AHI1: variants seen among roughly 807,000 people sequenced by gnomAD.
AHI1 encodes the protein jouberin.
A neutral mutation model predicts 149.3 loss-of-function variants in AHI1; 123 were observed. That is an observed-to-expected ratio of 0.82 (90% CI 0.71 to 0.96). AHI1 has a LOEUF of 0.96. AHI1 is among the 40% of genes least tolerant of loss of function. The pLI is 0.00. For synonymous variants in AHI1, 475 were observed against 459.8 expected, an observed-to-expected ratio of 1.03 and a Z score of -0.42; for missense variants, 1,439 against 1,422.7, an observed-to-expected ratio of 1.01 and a Z score of -0.18.
At chr6:135,350,588 T>C (rs573810999) in intron 24 of AHI1, among the ~76,000 whole-genome samples, 1 of 152,034 alleles carries the variant, frequency 6.6e-6, no homozygotes, top group East Asian at 1.9e-4. Context: ...AAATAAAAAA[T>C]TCCAAATTGG....
chr6:135,357,010 C>T (rs959819005), intron 24 of AHI1, among the ~76,000 whole-genome samples: 1 of 152,200 alleles, frequency 6.6e-6, no homozygotes, highest in African/African-American at 2.4e-5. Flanking sequence ...GCAATCTCGG[C>T]TCACAGCAAC....
chr6:135,302,623 G>A lies in AHI1; in HGVS notation c.3427-2065C>T, dbSNP rs538296904. 3.2e-5 allele frequency: 37 copies of A among 1,143,322 alleles called. No homozygotes were observed. The South Asian group carries it at 4.3e-4, about 13-fold the overall frequency. 70.8% of individuals were successfully genotyped at this position (1,143,322 alleles called of 1,614,324 possible). On this transcript the variant is annotated intron_variant, in intron 26 of 28. Coordinates refer to ENST00000265602, the MANE Select transcript of AHI1 (RefSeq NM_001134831.2). Reference sequence around the variant, plus strand: ...AATTATATGAATCCTAAGTTAGAAGGGGGTCCACATTACAAAGTTTACCAC... The same window carrying A: ...AATTATATGAATCCTAAGTTAGAAGAGGGTCCACATTACAAAGTTTACCAC...
intron 26 of AHI1, among the ~76,000 whole-genome samples, chr6:135,302,974 T>C (rs1784077685): frequency 6.6e-6 from 1 of 152,178 alleles, no homozygotes; most frequent in South Asian, 2.1e-4. Flanking sequence ...ATCATTGATT[T>C]AGAGAGGAGG....
intron 27 of AHI1, among the ~76,000 whole-genome samples, chr6:135,293,406 GAAA>G (rs71547029): frequency 4.6e-5 from 3 of 65,596 alleles, no homozygotes; most frequent in East Asian, 3.7e-4. Flanking sequence ...AAAAAAAAAA[GAAA>G]AAAAAAAAAA....
At chr6:135,420,020 T>C (rs1161154302) in intron 20 of AHI1, among the ~76,000 whole-genome samples, 1 of 152,110 alleles carries the variant, frequency 6.6e-6, no homozygotes, top group East Asian at 1.9e-4. Context: ...ACTCATCCAT[T>C]CTAGTTTAAT....
At chr6:135,380,069 TC>T (rs972088356) in intron 23 of AHI1, among the ~76,000 whole-genome samples, 1 of 148,840 alleles carries the variant, frequency 6.7e-6, no homozygotes, top group Non-Finnish European at 1.5e-5. Flanking sequence ...TTTGTCGTCA[TC>T]TGAATTTTGC....
intron 24 of AHI1, among the ~76,000 whole-genome samples, chr6:135,348,842 G>C (rs75433283): frequency 0.013 from 2,024 of 152,200 alleles, 45 homozygotes; most frequent in African/African-American, 0.046. Context: ...GCTAATGGCC[G>C]AGAGATTACT....
chr6:135,462,424 G>A (rs557805559), intron 8 of AHI1, among the ~76,000 whole-genome samples: 1 of 152,024 alleles, frequency 6.6e-6, no homozygotes, highest in Non-Finnish European at 1.5e-5. Context: ...AGGATACCAT[G>A]TTGGACAGGA....
chr6:135,363,953 C>A (rs1307222006), intron 23 of AHI1, among the ~76,000 whole-genome samples: 2 of 148,980 alleles, frequency 1.3e-5, no homozygotes, highest in African/African-American at 2.5e-5. Flanking sequence ...CTGACCCCCC[C>A]ACCTCCCTCC....
At chr6:135,330,764 C>G (rs1236281372) in intron 24 of AHI1, among the ~76,000 whole-genome samples, 1 of 152,232 alleles carries the variant, frequency 6.6e-6, no homozygotes, top group Non-Finnish European at 1.5e-5. Context: ...AACAGCGTGG[C>G]TCACGGGAAT....
At chr6:135,330,930 A>G (rs1398095134) in intron 24 of AHI1, among the ~76,000 whole-genome samples, 2 of 152,234 alleles carry the variant, frequency 1.3e-5, no homozygotes, top group African/African-American at 4.8e-5. Flanking sequence ...CCTATGTCCA[A>G]TTAGATTTTA....
intron 21 of AHI1, among the ~76,000 whole-genome samples, chr6:135,406,718 A>G (rs1393324241): frequency 6.6e-6 from 1 of 152,196 alleles, no homozygotes; most frequent in Non-Finnish European, 1.5e-5. Context: ...TCTACTTAGC[A>G]ATCAACTCTG....
At chr6:135,491,060 C>T (rs1405478375) in intron 4 of AHI1, among the ~76,000 whole-genome samples, 1 of 152,142 alleles carries the variant, frequency 6.6e-6, no homozygotes, top group East Asian at 1.9e-4. Context: ...AGACAAGTTA[C>T]TCAAGATCTC....
At chr6:135,471,524 AT>A (rs914453820) in intron 5 of AHI1, among the ~76,000 whole-genome samples, 1 of 151,858 alleles carries the variant, frequency 6.6e-6, no homozygotes, top group African/African-American at 2.4e-5. Flanking sequence ...GTACTGTACT[AT>A]TTTTTTTAAA....
chr6:135,439,801 C>A (rs1785991148), intron 14 of AHI1, among the ~76,000 whole-genome samples: 1 of 152,108 alleles, frequency 6.6e-6, no homozygotes, highest in African/African-American at 2.4e-5. Flanking sequence ...GGGTTCAGTA[C>A]TACTTGAGGT....
In AHI1 at chr6:135,362,461, G is replaced by A. The variant is rs533617145; in HGVS notation, c.3110-4274C>T. 8.5e-5 allele frequency among the ~76,000 whole-genome samples: 13 copies of A among 152,232 alleles called. No homozygotes were observed. The South Asian group carries it at 2.7e-3, about 32-fold the overall frequency. On this transcript the variant is annotated intron_variant, in intron 23 of 28. Transcript: ENST00000265602. ...GAATCTCCACACTGTTTTCCATAGT[G>A]GTTGTACTAGTTCATGTTCCCACCG...
At chr6:135,345,977 A>G (rs1791136224) in intron 24 of AHI1, among the ~76,000 whole-genome samples, 1 of 152,214 alleles carries the variant, frequency 6.6e-6, no homozygotes, top group Non-Finnish European at 1.5e-5. Context: ...GGCCATGGAA[A>G]TGGACAAAAG....
At position 135,492,279 on chromosome 6, in the gene AHI1, C is replaced by T; in HGVS notation, c.-42G>A. The T allele has an allele frequency of 1.3e-6, 2 of 1,532,054 alleles. No individual in the cohort carries two copies. The allele number at this position is 1,532,054 out of a possible 1,614,324, so 94.9% of individuals were successfully genotyped here. ...GAGGACTGAGAATGCAAAGCATTGACTCAATCAGGATCCTATCGAAACAAA... is the reference window on the plus strand; with the variant it reads ...GAGGACTGAGAATGCAAAGCATTGATTCAATCAGGATCCTATCGAAACAAA... On this transcript the variant is annotated 5_prime_UTR_variant, in exon 4 of 29. Coordinates refer to ENST00000265602, the MANE Select transcript of AHI1 (RefSeq NM_001134831.2).
At chr6:135,292,750 G>A (rs1562443225) in intron 27 of AHI1, among the ~76,000 whole-genome samples, 1 of 152,118 alleles carries the variant, frequency 6.6e-6, no homozygotes, top group African/African-American at 2.4e-5. Context: ...AAGGAAATAT[G>A]TATAAAGAAC....
Sources: allele counts gnomAD v4.1 joint callset (sites outside exome capture counted in the v4.1 genomes callset), GRCh38; gene constraint gnomAD v4.1.1; transcripts MANE v1.5; gene names NCBI Gene and HGNC (gene_info 2026-07-23, HGNC 2026-07-21).